ACSL3: variants seen among roughly 807,000 people sequenced by gnomAD.
ACSL3 encodes acyl-CoA synthetase long chain family member 3.
A neutral mutation model predicts 84.7 loss-of-function variants in ACSL3; 34 were observed. The ratio of observed to expected loss-of-function variants is 0.40; its 90% CI spans 0.31 to 0.53. The LOEUF (loss-of-function observed/expected upper bound fraction) is 0.53, where lower values mean the gene tolerates loss of function less well. ACSL3 is among the 20% of genes least tolerant of loss of function. The pLI, the probability that ACSL3 is intolerant of heterozygous loss-of-function variation, is 0.48. For missense variants in ACSL3, 680 were observed against 873.1 expected, an observed-to-expected ratio of 0.78 and a Z score of 2.79; for synonymous variants, 315 against 299.4, an observed-to-expected ratio of 1.05 and a Z score of -0.54.
At chr2:222,928,997 G>C (rs2106136704) in intron 13 of ACSL3, 61 bp downstream of exon 13, 2 of 1,392,416 alleles carry the variant, frequency 1.4e-6, no homozygotes, top group South Asian at 2.4e-5. Flanking sequence ...GAAAATTAGT[G>C]CTTCACTTTC....
intron 12 of ACSL3, among the ~76,000 whole-genome samples, 199 bp from the exon 13 acceptor site, chr2:222,928,663 A>C (rs574080230): frequency 3.3e-5 from 5 of 152,138 alleles, no homozygotes; most frequent in South Asian, 4.1e-4. Context: ...AAAAAAAAAA[A>C]AAAAACCTCA....
At chr2:222,931,422 A>AG (rs1169528117) in intron 14 of ACSL3, among the ~76,000 whole-genome samples, 1 of 151,836 alleles carries the variant, frequency 6.6e-6, no homozygotes. Flanking sequence ...TAAAAAAAAA[A>AG]AAAAAGTTAA....
At chr2:222,882,270 A>G (rs1695608229) in intron 1 of ACSL3, among the ~76,000 whole-genome samples, 2 of 152,204 alleles carry the variant, frequency 1.3e-5, no homozygotes. Flanking sequence ...TTGATTGGGA[A>G]ATTAGCTGAG....
intron 1 of ACSL3, among the ~76,000 whole-genome samples, chr2:222,866,840 C>CTT (rs768574686): frequency 2.1e-4 from 24 of 111,866 alleles, no homozygotes; most frequent in African/African-American, 3.6e-4. Context: ...TTTTCTTTTT[C>CTT]TTTTTTTTTT....
intron 1 of ACSL3, among the ~76,000 whole-genome samples, chr2:222,862,822 T>C (rs916307429): frequency 1.3e-5 from 2 of 152,206 alleles, no homozygotes; most frequent in African/African-American, 4.8e-5. Flanking sequence ...ACTGAATTTG[T>C]AAGGCTTTAG....
chr2:222,942,083 C>G lies in ACSL3; in HGVS notation c.*429C>G, dbSNP rs1395719439. The stretch of plus-strand genomic sequence containing the variant: ...TTTTTACTTACTGTATTTAAAAATA[C>G]AAGGGTATTGATATGAAATTATGTA... On this transcript the variant is annotated 3_prime_UTR_variant, in exon 17 of 17. Transcript: ENST00000357430. The G allele has an allele frequency of 4.7e-6, 1 of 214,438 alleles. No homozygotes were observed. The allele number at this position is 214,438 out of a possible 1,614,324, so 13.3% of individuals were successfully genotyped here.
intron 1 of ACSL3, chr2:222,861,591 G>C (rs1695010663): frequency 6.6e-6 from 1 of 152,280 alleles, no homozygotes; most frequent in Non-Finnish European, 1.5e-5. Flanking sequence ...CTGTGGGGCG[G>C]GGTGGGGAGG....
intron 16 of ACSL3, among the ~76,000 whole-genome samples, chr2:222,937,282 C>G (rs540567862): frequency 2.0e-5 from 3 of 151,766 alleles, no homozygotes; most frequent in Admixed American, 2.0e-4. Flanking sequence ...TTTTTTTTAT[C>G]CTGCAACTTT....
At position 222,941,579 on chromosome 2, in the gene ACSL3, T is replaced by A. The variant is rs556315800; in HGVS notation, c.2088T>A (p.Asp696Glu). 3 of 1,613,588 alleles carry A rather than the reference T, an allele frequency of 1.9e-6. No homozygotes were observed. The highest frequency in any genetic ancestry group is 3.3e-5 in the Admixed American group (2 of 59,906). The change falls in exon 17 of 17, where the codon GAT (aspartate) becomes GAA (glutamate). Residue 696 changes from aspartate (D) to glutamate (E), a missense_variant. By Grantham distance (45) the Asp-to-Glu change is conservative (BLOSUM62 2). This residue lies in a region of ACSL3 where 347 missense variants were observed against 525.7 expected (regional missense o/e 0.66). Coordinates refer to ENST00000357430, the MANE Select transcript of ACSL3 (RefSeq NM_004457.5). The part of the protein sequence containing the change: ...PWTPETGLVT[D>E]AFKLKRKELK... ...CCCCTGAAACTGGTCTGGTGACAGA[T>A]GCCTTCAAGCTGAAACGCAAAGAGC...
intron 10 of ACSL3, among the ~76,000 whole-genome samples, chr2:222,924,116 T>C (rs1207337993): frequency 6.6e-6 from 1 of 152,232 alleles, no homozygotes; most frequent in East Asian, 1.9e-4. Flanking sequence ...ATTTTGTGAG[T>C]AGGTTTTAGT....
chr2:222,880,451 A>G (rs1695561315), intron 1 of ACSL3, among the ~76,000 whole-genome samples: 1 of 152,140 alleles, frequency 6.6e-6, no homozygotes, highest in Non-Finnish European at 1.5e-5. Flanking sequence ...GTTATATTAC[A>G]TGAAGTATTT....
rs1697309520 is a variant in ACSL3, at chr2:222,941,515, AAAT to A, written c.2025_2027del (p.Glu675_Ile676delinsAsp). ...ATCTTAGCAAGTCTGGAAAAGTTTG[AAAT>A]TCCAGTAAAAATTCGTTTGAGTCCT... On this transcript the variant is annotated inframe_deletion, in exon 17 of 17. Transcript: ENST00000357430. The A allele has an allele frequency of 6.2e-7, 1 of 1,606,154 alleles. No individual in the cohort carries two copies. The highest frequency in any genetic ancestry group is 8.5e-7 in the Non-Finnish European group (1 of 1,177,304).
At chr2:222,868,464 A>G (rs1695211303) in intron 1 of ACSL3, among the ~76,000 whole-genome samples, 1 of 152,110 alleles carries the variant, frequency 6.6e-6, no homozygotes, top group African/African-American at 2.4e-5. Context: ...AGTATGCAGT[A>G]TTTTCTAAGC....
At chr2:222,913,664 C>T (rs1404269450) in intron 4 of ACSL3, among the ~76,000 whole-genome samples, 5 of 152,142 alleles carry the variant, frequency 3.3e-5, no homozygotes, top group African/African-American at 1.2e-4. Context: ...AATCAGGCCA[C>T]CTTACTCACC....
intron 1 of ACSL3, chr2:222,861,653 C>G (rs1695016334): frequency 1.3e-5 from 2 of 152,162 alleles, no homozygotes; most frequent in Non-Finnish European, 2.9e-5. Flanking sequence ...GTGCGGTGTC[C>G]GTGGAAGGAG....
In ACSL3 at chr2:222,884,483, T is replaced by C. The variant is rs114258929; in HGVS notation, c.-206-3347T>C. 3.8e-3 allele frequency among the ~76,000 whole-genome samples: 584 copies of C among 152,334 alleles called. 2 individuals are homozygous for C. Among genetic ancestry groups the C allele is most frequent in the Middle Eastern group, 0.02 (6 of 294 alleles). On this transcript the variant is annotated intron_variant, in intron 1 of 16. Coordinates refer to ENST00000357430, the MANE Select transcript of ACSL3 (RefSeq NM_004457.5). ...AAAGTATCAGCAGAGCTTTGAAGGC[T>C]CCAGGGAAGAACCTGTTCCTTGCCT... is the stretch of plus-strand genomic sequence containing the variant.
intron 1 of ACSL3, among the ~76,000 whole-genome samples, chr2:222,865,794 C>G (rs1430695124): frequency 2.7e-5 from 4 of 150,008 alleles, no homozygotes; most frequent in South Asian, 2.1e-4. Context: ...TTTGGATCCT[C>G]TGTGTGTGTG....
intron 1 of ACSL3, among the ~76,000 whole-genome samples, chr2:222,879,441 G>A (rs1250348366): frequency 6.6e-6 from 1 of 152,112 alleles, no homozygotes; most frequent in Non-Finnish European, 1.5e-5. Flanking sequence ...AGCGATCTCA[G>A]GCTACTTGTG....
chr2:222,916,433 T>C lies in ACSL3; in HGVS notation c.493T>C (p.Phe165Leu). 6.2e-7 allele frequency: 1 copy of C among 1,614,110 alleles called. No homozygotes were observed. The highest frequency in any genetic ancestry group is 8.5e-7 in the Non-Finnish European group (1 of 1,179,990). The change falls in exon 5 of 17, where the codon TTC becomes CTC. Residue 165 changes from phenylalanine (F) to leucine (L), a missense_variant. Physicochemically the swap from Phe to Leu is conservative, Grantham distance 22 (BLOSUM62 0). Around this residue, in one of 2 missense-constraint regions of ACSL3, gnomAD observed 333 missense variants for 347.5 expected, o/e 0.96. Transcript: ENST00000357430. ...GAAACCAAAGACCAACATCGCCATC[T>C]TCTGTGAGACCAGGGCCGAGTGGAT... Reference protein sequence around the residue: ...GQKPKTNIAIFCETRAEWMIA... With the variant: ...GQKPKTNIAILCETRAEWMIA...
Sources: allele counts gnomAD v4.1 joint callset (sites outside exome capture counted in the v4.1 genomes callset), GRCh38; gene constraint gnomAD v4.1.1; regional missense constraint gnomAD v4.1.1; transcripts MANE v1.5; gene names NCBI Gene and HGNC (gene_info 2026-07-23, HGNC 2026-07-21).